Variants in LHX8 observed in about 807,000 individuals in gnomAD.
LHX8 encodes the protein LIM/homeobox protein Lhx8.
LHX8 carries 12 observed loss-of-function variants against 40.3 expected under a neutral mutation model. That is an observed-to-expected ratio of 0.30 (90% CI 0.19 to 0.48). The LOEUF is 0.48. Ranked by LOEUF, LHX8 falls within the 20% of genes least tolerant of loss-of-function variation. LHX8 has a pLI of 0.99. For synonymous variants in LHX8, 179 were observed against 162.0 expected (o/e 1.10, Z -0.80); for missense variants, 344 against 433.7 (o/e 0.79, Z 1.84).
chr1:75,197,550 G>T, the LHX8 span, among the ~76,000 whole-genome samples: 1 of 152,160 alleles, frequency 6.6e-6, no homozygotes, highest in East Asian at 1.9e-4. Context: ...GATATAAAAT[G>T]ACTTCTAGCC....
At chr1:75,171,554 C>T in the LHX8 span, among the ~76,000 whole-genome samples, 2 of 152,100 alleles carry the variant, frequency 1.3e-5, no homozygotes, top group Admixed American at 1.3e-4. Flanking sequence ...ACATGAGAAT[C>T]ACTTATCCAA....
chr1:75,143,028 G>A, intron 4 of LHX8, 90 bp from the exon 5 acceptor site: 1 of 959,490 alleles, frequency 1.0e-6, no homozygotes, highest in South Asian at 1.3e-5. Context: ...TATTTCAATG[G>A]GGTAAGATAA....
downstream of LHX8, among the ~76,000 whole-genome samples, chr1:75,165,156 T>C (rs1352814469): frequency 1.3e-5 from 2 of 152,232 alleles, no homozygotes; most frequent in Non-Finnish European, 2.9e-5. Flanking sequence ...TATCATATTC[T>C]GTTTTCTTTG....
At chr1:75,191,166 T>C in the LHX8 span, among the ~76,000 whole-genome samples, 251 of 152,138 alleles carry the variant, frequency 1.6e-3, no homozygotes, top group African/African-American at 5.7e-3. Context: ...GGCAAACACT[T>C]GGTACATTTT....
At chr1:75,171,271 A>T in the LHX8 span, among the ~76,000 whole-genome samples, 4 of 152,128 alleles carry the variant, frequency 2.6e-5, no homozygotes, top group African/African-American at 4.8e-5. Flanking sequence ...TGAGTTAATC[A>T]TTTGAGTGAG....
chr1:75,148,070 A>C (rs1648508771), intron 6 of LHX8, among the ~76,000 whole-genome samples: 1 of 151,876 alleles, frequency 6.6e-6, no homozygotes, highest in African/African-American at 2.4e-5. Flanking sequence ...CTTTTTAGAC[A>C]CCTTTTTTTT....
intron 4 of LHX8, among the ~76,000 whole-genome samples, chr1:75,141,468 C>G (rs1008469890): frequency 6.6e-6 from 1 of 152,002 alleles, no homozygotes; most frequent in Admixed American, 6.6e-5. Flanking sequence ...GAAATAAAAT[C>G]ATTATGGGGG....
the LHX8 span, among the ~76,000 whole-genome samples, chr1:75,194,048 A>G: frequency 1.3e-5 from 2 of 152,210 alleles, no homozygotes; most frequent in Non-Finnish European, 2.9e-5. Context: ...GTTTAGAACA[A>G]TTGAACAGAA....
chr1:75,189,130 A>G, the LHX8 span, among the ~76,000 whole-genome samples: 1 of 152,224 alleles, frequency 6.6e-6, no homozygotes, highest in African/African-American at 2.4e-5. Context: ...ATAGACAGTC[A>G]TATTGCTATT....
In LHX8 at chr1:75,147,220, A is replaced by G. The variant is rs557116054; in HGVS notation, c.685-1367A>G. 3.3e-5 allele frequency among the ~76,000 whole-genome samples: 5 copies of G among 152,308 alleles called. No individual in the cohort carries two copies. In the East Asian group the frequency reaches 9.7e-4, roughly 29 times the overall value. On this transcript the variant is annotated intron_variant, in intron 6 of 8. Transcript: ENST00000356261. ...ATACAATATAGTTAGATGGGAAGCC[A>G]AGAATACTTAATTCTAGAAGGGTAA...
chr1:75,156,630 TTGGTC>T (rs1648776151), intron 7 of LHX8, among the ~76,000 whole-genome samples: 1 of 152,194 alleles, frequency 6.6e-6, no homozygotes, highest in African/African-American at 2.4e-5. Context: ...CCTTAAGCAA[TTGGTC>T]CCCTTTCCTA....
At chr1:75,160,633 C>G in intron 8 of LHX8, 186 bp from the exon 9 acceptor site, 1 of 602,716 alleles carries the variant, frequency 1.7e-6, no homozygotes, top group South Asian at 2.0e-5. Context: ...GGGGGTAAAA[C>G]TGTTCCTGGA....
At chr1:75,182,336 G>A in the LHX8 span, among the ~76,000 whole-genome samples, 1 of 139,184 alleles carries the variant, frequency 7.2e-6, no homozygotes, top group African/African-American at 2.7e-5. Flanking sequence ...TCTAGGTTCT[G>A]TATTCTGTTT....
At chr1:75,181,345 C>T in the LHX8 span, among the ~76,000 whole-genome samples, 2 of 152,188 alleles carry the variant, frequency 1.3e-5, no homozygotes, top group Non-Finnish European at 2.9e-5. Context: ...AGACAGGCTT[C>T]TTGAGCTGCA....
the LHX8 span, among the ~76,000 whole-genome samples, chr1:75,192,905 G>T: frequency 2.0e-5 from 3 of 152,100 alleles, no homozygotes; most frequent in Admixed American, 2.0e-4. Flanking sequence ...TGTTGGCCAG[G>T]CTGGCCTTGA....
chr1:75,152,789 C>T (rs1000577153), intron 7 of LHX8, among the ~76,000 whole-genome samples: 3 of 152,136 alleles, frequency 2.0e-5, no homozygotes, highest in Admixed American at 6.5e-5. Context: ...CAGAAGAATC[C>T]TGAATACTGT....
At chr1:75,177,302 A>G in the LHX8 span, among the ~76,000 whole-genome samples, 1 of 152,164 alleles carries the variant, frequency 6.6e-6, no homozygotes, top group Non-Finnish European at 1.5e-5. Flanking sequence ...CTTCCTATCC[A>G]TGAGCATGGA....
chr1:75,176,508 T>C, the LHX8 span, among the ~76,000 whole-genome samples: 7,719 of 152,284 alleles, frequency 0.051, 210 homozygotes, highest in Middle Eastern at 0.095. Context: ...TGCCCACTTT[T>C]TGATGGGGTC....
chr1:75,138,661 T>A (rs1323710081), intron 3 of LHX8, among the ~76,000 whole-genome samples: 1 of 152,210 alleles, frequency 6.6e-6, no homozygotes, highest in Non-Finnish European at 1.5e-5. Flanking sequence ...TCTTTAAGAA[T>A]GTTTCTGAGT....
Sources: allele counts gnomAD v4.1 joint callset (sites outside exome capture counted in the v4.1 genomes callset), GRCh38; gene constraint gnomAD v4.1.1; transcripts MANE v1.5; gene names NCBI Gene and HGNC (gene_info 2026-07-23, HGNC 2026-07-21).